The following ZNF536 variants were observed in gnomAD, a reference collection of about 807,000 sequenced individuals.
ZNF536 encodes the protein zinc finger protein 536.
A neutral mutation model predicts 84.5 loss-of-function variants in ZNF536; 13 were observed. The observed-to-expected ratio is 0.15, with a 90% CI of 0.10 to 0.24. ZNF536 has a LOEUF of 0.24. Ranked by LOEUF, ZNF536 falls within the 10% of genes least tolerant of loss-of-function variation. ZNF536 has a pLI of 1.00. For synonymous variants in ZNF536, 811 were observed against 742.5 expected, an observed-to-expected ratio of 1.09 and a Z score of -1.50; for missense variants, 1,536 against 1,747.5, an observed-to-expected ratio of 0.88 and a Z score of 2.16.
At chr19:30,236,345 C>G (rs1211711700) in intron 1 of ZNF536, among the ~76,000 whole-genome samples, 1 of 152,226 alleles carries the variant, frequency 6.6e-6, no homozygotes, top group Non-Finnish European at 1.5e-5. Flanking sequence ...AAGCCAGACA[C>G]TCCATCTGCA....
At chr19:30,647,133 A>G (rs2049504581) in intron 1 of ZNF536, among the ~76,000 whole-genome samples, 1 of 152,160 alleles carries the variant, frequency 6.6e-6, no homozygotes. Context: ...TTTTCAAAAT[A>G]TTCTATTAGT....
intron 1 of ZNF536, among the ~76,000 whole-genome samples, chr19:30,570,054 C>T (rs527960632): frequency 1.3e-5 from 2 of 152,166 alleles, no homozygotes; most frequent in Non-Finnish European, 2.9e-5. Context: ...CTACAATGCA[C>T]AGGACAGCCC....
chr19:30,573,942 C>A (rs2046641003), intron 1 of ZNF536, among the ~76,000 whole-genome samples: 1 of 152,204 alleles, frequency 6.6e-6, no homozygotes, highest in Non-Finnish European at 1.5e-5. Flanking sequence ...GAGCTATTGC[C>A]AGGACGGGCA....
chr19:30,330,339 G>A (rs989164429), intron 2 of ZNF536, among the ~76,000 whole-genome samples: 3 of 152,164 alleles, frequency 2.0e-5, no homozygotes, highest in African/African-American at 7.2e-5. Context: ...ACTCTTGAGT[G>A]GTCAGTTTCT....
chr19:30,449,684 C>T (rs1211135740), intron 2 of ZNF536, among the ~76,000 whole-genome samples: 1 of 152,154 alleles, frequency 6.6e-6, no homozygotes, highest in Non-Finnish European at 1.5e-5. Flanking sequence ...AATGGAAAGC[C>T]AGGGAGAGAT....
chr19:30,613,312 CTCACTAACGTTTATA>C (rs1273415483), intron 1 of ZNF536, among the ~76,000 whole-genome samples: 5 of 152,202 alleles, frequency 3.3e-5, no homozygotes, highest in Admixed American at 1.3e-4. Flanking sequence ...CATACTTCTG[CTCACTAACGTTTATA>C]TCCGTTGGGC....
chr19:30,353,765 T>G (rs1336624899), intron 3 of ZNF536, among the ~76,000 whole-genome samples: 3 of 152,248 alleles, frequency 2.0e-5, no homozygotes, highest in Non-Finnish European at 4.4e-5. Flanking sequence ...CGAAGACTAT[T>G]TTCCCTCTTG....
At chr19:30,446,724 T>A (rs1006912373) in intron 2 of ZNF536, among the ~76,000 whole-genome samples, 15 of 152,126 alleles carry the variant, frequency 9.9e-5, no homozygotes, top group Admixed American at 1.3e-4. Context: ...GATACAGCTT[T>A]GGGGTCTAAA....
At chr19:30,570,331 TC>T (rs1411730197) in intron 1 of ZNF536, among the ~76,000 whole-genome samples, 6 of 152,278 alleles carry the variant, frequency 3.9e-5, no homozygotes, top group Admixed American at 2.6e-4. Context: ...GGCAGGAACT[TC>T]AAGTGGAGTA....
At chr19:30,438,896 A>T (rs1207548454) in intron 1 of ZNF536, among the ~76,000 whole-genome samples, 3 of 151,836 alleles carry the variant, frequency 2.0e-5, no homozygotes, top group Non-Finnish European at 4.4e-5. Context: ...GCTTAGGGTG[A>T]TCTCAAACTC....
intron 2 of ZNF536, among the ~76,000 whole-genome samples, chr19:30,308,780 G>A (rs1205578230): frequency 1.3e-5 from 2 of 152,216 alleles, no homozygotes; most frequent in Non-Finnish European, 2.9e-5. Context: ...GAGTCCAGCA[G>A]TCTGTGTTTT....
At chr19:30,593,637 C>T (rs532774212) in intron 1 of ZNF536, among the ~76,000 whole-genome samples, 5 of 152,320 alleles carry the variant, frequency 3.3e-5, no homozygotes, top group South Asian at 2.1e-4. Context: ...CAAGAGTCCG[C>T]GGGCAACAGA....
intron 4 of ZNF536, chr19:30,554,684 G>A (rs549701399): frequency 6.6e-6 from 1 of 152,326 alleles, no homozygotes; most frequent in South Asian, 2.1e-4. Flanking sequence ...ACTCCGCTTT[G>A]GAAGTAGCAC....
At chr19:30,611,649 G>A (rs768732580) in intron 1 of ZNF536, among the ~76,000 whole-genome samples, 1 of 152,134 alleles carries the variant, frequency 6.6e-6, no homozygotes, top group Non-Finnish European at 1.5e-5. Context: ...TTTAGCTTTA[G>A]GGTTGGTGAC....
chr19:30,312,641 G>A (rs1184037257), intron 2 of ZNF536, among the ~76,000 whole-genome samples: 2 of 152,190 alleles, frequency 1.3e-5, no homozygotes, highest in Non-Finnish European at 1.5e-5. Flanking sequence ...CTGCATGGGG[G>A]GACCAGGTGT....
intron 2 of ZNF536, among the ~76,000 whole-genome samples, chr19:30,318,810 G>C (rs2046765521): frequency 6.6e-6 from 1 of 152,232 alleles, no homozygotes; most frequent in South Asian, 2.1e-4. Context: ...CTGTGGGCCA[G>C]TAAGCTTCTC....
intron 2 of ZNF536, among the ~76,000 whole-genome samples, chr19:30,318,648 C>G (rs139092268): frequency 6.6e-6 from 1 of 152,194 alleles, no homozygotes; most frequent in African/African-American, 2.4e-5. Context: ...TGTGTGTGTG[C>G]GCATGAGTCT....
At chr19:30,649,109 C>T (rs562643207) in intron 1 of ZNF536, among the ~76,000 whole-genome samples, 1 of 152,170 alleles carries the variant, frequency 6.6e-6, no homozygotes, top group East Asian at 1.9e-4. Flanking sequence ...CCGACAGCTG[C>T]CCCAGACAGG....
chr19:30,579,953 G>T (rs1017849145), intron 1 of ZNF536, among the ~76,000 whole-genome samples: 2 of 152,280 alleles, frequency 1.3e-5, no homozygotes, highest in Non-Finnish European at 2.9e-5. Flanking sequence ...TTTTAAGAAA[G>T]CTGTCTTGAA....
Sources: allele counts gnomAD v4.1 joint callset (sites outside exome capture counted in the v4.1 genomes callset), GRCh38; gene constraint gnomAD v4.1.1; transcripts MANE v1.5; gene names NCBI Gene and HGNC (gene_info 2026-07-23, HGNC 2026-07-21).